The following ZYG11A variants were observed in gnomAD, a reference collection of about 807,000 sequenced individuals.
ZYG11A encodes the protein zyg-11 family member A, cell cycle regulator, also known as protein zyg-11 homolog A.
In ZYG11A, 62 loss-of-function variants were observed where a neutral mutation model predicts 77.2. The ratio of observed to expected loss-of-function variants is 0.80; its 90% confidence interval spans 0.65 to 0.99. The LOEUF is 0.99. ZYG11A is among the 50% of genes least tolerant of loss of function. The pLI is 0.00. For missense variants in ZYG11A, 828 were observed against 896.8 expected (o/e 0.92, Z 0.98); for synonymous variants, 315 against 324.6 (o/e 0.97, Z 0.32).
At chr1:52,889,284 A>C (rs1468415592) in intron 13 of ZYG11A, among the ~76,000 whole-genome samples, 1 of 151,980 alleles carries the variant, frequency 6.6e-6, no homozygotes, top group African/African-American at 2.4e-5. Context: ...ATGGGTATAC[A>C]CCACCATGCC....
chr1:52,872,667 G>A (rs562473796), intron 8 of ZYG11A, among the ~76,000 whole-genome samples: 3 of 150,896 alleles, frequency 2.0e-5, no homozygotes, highest in African/African-American at 7.3e-5. Flanking sequence ...GATCATTTGC[G>A]GTCAAGAGTT....
chr1:52,878,282 C>T (rs758108378), intron 10 of ZYG11A, among the ~76,000 whole-genome samples: 2 of 152,198 alleles, frequency 1.3e-5, no homozygotes, highest in Non-Finnish European at 2.9e-5. Context: ...TATGTAGCTG[C>T]AGTCATCTGG....
intron 9 of ZYG11A, 38 bp downstream of exon 9, chr1:52,877,881 C>T (rs1452739315): frequency 6.4e-7 from 1 of 1,550,810 alleles, no homozygotes; most frequent in Non-Finnish European, 8.7e-7. Context: ...TAAAGTTCTT[C>T]TCTTCATGAT....
At chr1:52,884,700 T>C (rs938051357) in intron 11 of ZYG11A, among the ~76,000 whole-genome samples, 2 of 152,134 alleles carry the variant, frequency 1.3e-5, no homozygotes, top group Non-Finnish European at 2.9e-5. Flanking sequence ...TCTGAAAGCC[T>C]AGTAAAAGGA....
intron 8 of ZYG11A, among the ~76,000 whole-genome samples, chr1:52,875,858 A>G (rs1307447154): frequency 6.7e-6 from 1 of 149,946 alleles, no homozygotes; most frequent in East Asian, 1.9e-4. Context: ...CTCAATGAAA[A>G]AGATGAAATC....
chr1:52,889,506 C>T (rs1646504914), intron 13 of ZYG11A, among the ~76,000 whole-genome samples: 1 of 151,568 alleles, frequency 6.6e-6, no homozygotes, highest in South Asian at 2.1e-4. Flanking sequence ...TGGTTGTGAA[C>T]TCCTGGGCTT....
chr1:52,887,191 A>G, intron 13 of ZYG11A, 138 bp downstream of exon 13: 1 of 405,660 alleles, frequency 2.5e-6, no homozygotes, highest in Admixed American at 3.7e-5. Flanking sequence ...AAACTGAAAA[A>G]AGATATTACT....
At chr1:52,877,570 C>T in intron 8 of ZYG11A, 112 bp from the exon 9 acceptor site, 1 of 785,366 alleles carries the variant, frequency 1.3e-6, no homozygotes, top group Non-Finnish European at 2.0e-6. Context: ...TACTAAGTGG[C>T]AGAACTTGGG....
At chr1:52,886,735 C>CTTTT (rs1646459380) in intron 12 of ZYG11A, among the ~76,000 whole-genome samples, 1 of 118,704 alleles carries the variant, frequency 8.4e-6, no homozygotes, top group African/African-American at 3.6e-5. Flanking sequence ...TTTGTAGAGA[C>CTTTT]GGGGGCTCAC....
intron 1 of ZYG11A, 99 bp downstream of exon 1, chr1:52,843,072 G>C (rs962771625): frequency 7.4e-6 from 8 of 1,079,572 alleles, no homozygotes; most frequent in Non-Finnish European, 1.0e-5. Flanking sequence ...GCACTTGCTG[G>C]GGAGTGTGGC....
chr1:52,847,835 AATTTATTTATTTATTT>A (rs5774129), intron 1 of ZYG11A, among the ~76,000 whole-genome samples: 17 of 119,362 alleles, frequency 1.4e-4, no homozygotes, highest in East Asian at 7.3e-4. Context: ...ACGCCTTGCT[AATTTATTTATTTATTT>A]ATTTATTTAT....
chr1:52,868,450 TTTATG>T (rs1646071317), intron 8 of ZYG11A, among the ~76,000 whole-genome samples: 1 of 152,186 alleles, frequency 6.6e-6, no homozygotes, highest in Non-Finnish European at 1.5e-5. Flanking sequence ...TTAATCAGTA[TTTATG>T]TTATGATTGT....
chr1:52,860,046 A>G (rs1286185674), intron 3 of ZYG11A, among the ~76,000 whole-genome samples: 3 of 152,038 alleles, frequency 2.0e-5, no homozygotes, highest in Non-Finnish European at 4.4e-5. Context: ...TTCAACTGTT[A>G]TTCTGTTTCA....
chr1:52,864,828 A>G (rs1012640997), intron 5 of ZYG11A, among the ~76,000 whole-genome samples: 1 of 123,730 alleles, frequency 8.1e-6, no homozygotes, highest in Non-Finnish European at 1.7e-5. Flanking sequence ...TTTTTTTTGT[A>G]TTTTTAGTAG....
intron 8 of ZYG11A, among the ~76,000 whole-genome samples, chr1:52,877,097 C>T (rs1257786366): frequency 6.6e-6 from 1 of 152,094 alleles, no homozygotes; most frequent in Non-Finnish European, 1.5e-5. Flanking sequence ...CTGCCCCAAA[C>T]TTTGCCTGGC....
Position 52,879,989 on chromosome 1 carries a change from C to A in ZYG11A, c.1750-1482C>A, listed in dbSNP as rs561603919. Among the ~76,000 whole-genome samples, 16 of 150,760 alleles carry A rather than the reference C, an allele frequency of 1.1e-4. No individual in the cohort carries two copies. The South Asian group carries it at 3.2e-3, about 30-fold the overall frequency. On this transcript the variant is annotated intron_variant, in intron 10 of 13. Coordinates refer to ENST00000371528, the MANE Select transcript of ZYG11A (RefSeq NM_001004339.3). ...CCATGTTAGCCAGGATGGTCTCAAT[C>A]TCTTGACCTTGTGATCCACCTGCCT...
In ZYG11A at chr1:52,842,849, G is replaced by C; in HGVS notation, c.-35G>C. ...GGGATCCGGGCTCCGGCTCGACGCC[G>C]GCTCTCTTTTTGACGCCCCGCCGCC... On this transcript the variant is annotated 5_prime_UTR_variant, in exon 1 of 14. Transcript: ENST00000371528. The C allele has an allele frequency of 2.6e-6, 4 of 1,523,134 alleles. No homozygotes were observed. Among genetic ancestry groups the C allele is most frequent in the South Asian group, 1.2e-5 (1 of 81,196 alleles). The allele number at this position is 1,523,134 out of a possible 1,614,324, so 94.4% of individuals were successfully genotyped here.
intron 8 of ZYG11A, among the ~76,000 whole-genome samples, chr1:52,873,161 T>A (rs1646200765): frequency 6.6e-6 from 1 of 151,056 alleles, no homozygotes. Context: ...CTCTACAAAA[T>A]ATTAGCCAGG....
intron 2 of ZYG11A, 64 bp downstream of exon 2, chr1:52,854,694 C>A: frequency 7.4e-7 from 1 of 1,355,106 alleles, no homozygotes; most frequent in Non-Finnish European, 9.8e-7. Context: ...AGCACTTTTA[C>A]ACACAATTTC....
Sources: allele counts gnomAD v4.1 joint callset (sites outside exome capture counted in the v4.1 genomes callset), GRCh38; gene constraint gnomAD v4.1.1; transcripts MANE v1.5; gene names NCBI Gene and HGNC (gene_info 2026-07-23, HGNC 2026-07-21).